The following RSRP1 variants were observed in gnomAD, a reference collection of about 807,000 sequenced individuals.
RSRP1 encodes arginine/serine-rich protein 1.
A neutral mutation model predicts 33.0 loss-of-function variants in RSRP1; 37 were observed. That is an observed-to-expected ratio of 1.12 (90% confidence interval 0.86 to 1.48). The LOEUF (loss-of-function observed/expected upper bound fraction) is 1.48. Ranked by LOEUF, RSRP1 falls within the 40% of genes most tolerant of loss-of-function variation. The pLI, the probability that RSRP1 is intolerant of heterozygous loss-of-function variation, is 0.00. For missense variants in RSRP1, 402 were observed against 385.3 expected, an observed-to-expected ratio of 1.04 and a Z score of -0.36; for synonymous variants, 167 against 158.7, an observed-to-expected ratio of 1.05 and a Z score of -0.40.
At chr1:25,247,227 C>T in intron 1 of RSRP1, 82 bp downstream of exon 1, 1 of 430,952 alleles carries the variant, frequency 2.3e-6, no homozygotes, top group Non-Finnish European at 4.1e-6. Context: ...TCCCCAAACG[C>T]GGGGCCCGGC....
chr1:25,284,779 A>G, intron 1 of RSRP1: 1 of 1,386,272 alleles, frequency 7.2e-7, no homozygotes, highest in East Asian at 2.2e-5. Context: ...TGGTGGCTGG[A>G]TCACTTCTGG....
In RSRP1 at chr1:25,321,185, A is replaced by G. The variant is rs1357108721; in HGVS notation, c.-67+16793T>C. On this transcript the variant is annotated intron_variant, in intron 1 of 1. Transcript: ENST00000561867. ...CCCAGGAGTTGACTGGAGCCAGAGA[A>G]GACAGACCTATAGGAGCACCCAATT... Among the ~76,000 whole-genome samples, 2 of 130,026 alleles carry G rather than the reference A, an allele frequency of 1.5e-5. 1 individual carries two copies. Among genetic ancestry groups the G allele is most frequent in the Non-Finnish European group, 3.6e-5 (2 of 54,990 alleles). 85.3% of individuals were successfully genotyped at this position (130,026 alleles called of 152,430 possible). A position where few individuals can be genotyped will look rare whatever the true frequency, so the allele number is the denominator to read the frequency against.
chr1:25,307,882 G>T lies in RSRP1; in HGVS notation c.-67+30096C>A. 20 of 1,231,216 alleles carry T rather than the reference G, an allele frequency of 1.6e-5. 3 individuals carry two copies. Among genetic ancestry groups the T allele is most frequent in the Non-Finnish European group, 2.2e-5 (19 of 882,558 alleles). The allele number at this position is 1,231,216 out of a possible 1,614,324, so 76.3% of individuals were successfully genotyped here. On this transcript the variant is annotated intron_variant, in intron 1 of 1. Coordinates refer to the RSRP1 transcript ENST00000561867. ...GTGAAGCAAGGCGCCTCTGTGATGG[G>T]TTCCAGTGATGTGTCTGCCACTGTC...
chr1:25,307,606 G>C lies in RSRP1; in HGVS notation c.-67+30372C>G, dbSNP rs1277988632. 41 of 900,682 alleles carry C rather than the reference G, an allele frequency of 4.6e-5. 9 individuals carry two copies. The highest frequency in any genetic ancestry group is 6.7e-5 in the Non-Finnish European group (39 of 578,792). 55.8% of individuals were successfully genotyped at this position (900,682 alleles called of 1,614,324 possible). A position where few individuals can be genotyped will look rare whatever the true frequency, so the allele number is the denominator to read the frequency against. Reference sequence around the variant, plus strand: ...ACAACCGCCTACTGAGGTATTCTCAGACTCTAAGAAATGAGATTTAAGAGA... The same window carrying C: ...ACAACCGCCTACTGAGGTATTCTCACACTCTAAGAAATGAGATTTAAGAGA... On this transcript the variant is annotated intron_variant, in intron 1 of 1. Transcript: ENST00000561867.
intron 1 of RSRP1, chr1:25,328,868 G>A (rs1452428954): frequency 1.9e-6 from 2 of 1,063,550 alleles, no homozygotes; most frequent in Admixed American, 4.0e-5. Context: ...GGGTTCATCT[G>A]CAATAAAAAT....
upstream of RSRP1, among the ~76,000 whole-genome samples, chr1:25,249,721 C>T (rs777791715): frequency 2.6e-5 from 4 of 152,174 alleles, no homozygotes; most frequent in Non-Finnish European, 4.4e-5. Context: ...GTATTTGTCT[C>T]AAAAACATAC....
chr1:25,292,953 G>A (rs28645510), intron 1 of RSRP1, among the ~76,000 whole-genome samples: 68,208 of 119,298 alleles, frequency 0.57, 27,270 homozygotes, highest in South Asian at 0.86. Context: ...CCAGGAGAGC[G>A]TGAGGTCCTG....
chr1:25,303,133 AGTGAG>A (rs1643519462), intron 1 of RSRP1, among the ~76,000 whole-genome samples: 1 of 131,960 alleles, frequency 7.6e-6, no homozygotes, highest in Non-Finnish European at 1.8e-5. Context: ...AAGAGGCAGT[AGTGAG>A]CTGGCCCATC....
upstream of RSRP1, among the ~76,000 whole-genome samples, chr1:25,251,372 T>A (rs1392105463): frequency 6.6e-6 from 1 of 151,304 alleles, no homozygotes; most frequent in African/African-American, 2.4e-5. Context: ...TAGTTTTCCT[T>A]TTTTTTTTCT....
chr1:25,270,669 C>T (rs1640472655), intron 1 of RSRP1, among the ~76,000 whole-genome samples: 1 of 132,106 alleles, frequency 7.6e-6, no homozygotes, highest in Admixed American at 7.3e-5. Context: ...CACCCAGGTC[C>T]TGAAGTTAGG....
chr1:25,256,121 T>G (rs1431635240), intron 1 of RSRP1, among the ~76,000 whole-genome samples: 1 of 152,078 alleles, frequency 6.6e-6, no homozygotes, highest in Non-Finnish European at 1.5e-5. Context: ...ATGGATAAGT[T>G]TTTCCTGGAA....
At chr1:25,311,723 G>T (rs28445757) in intron 1 of RSRP1, among the ~76,000 whole-genome samples, 117,095 of 126,232 alleles carry the variant, frequency 0.93, 55,765 homozygotes, top group East Asian at 1. Context: ...TTGGGTCTCT[G>T]CTCCCCACAT....
intron 1 of RSRP1, among the ~76,000 whole-genome samples, chr1:25,322,367 A>C (rs978133294): frequency 6.0e-5 from 8 of 133,004 alleles, no homozygotes; most frequent in African/African-American, 1.8e-4. Flanking sequence ...GAGTGGAGAC[A>C]TGACTTATCA....
At chr1:25,250,098 C>T (rs2124550288), upstream of RSRP1, among the ~76,000 whole-genome samples, 1 of 152,198 alleles carries the variant, frequency 6.6e-6, no homozygotes, top group East Asian at 1.9e-4. Flanking sequence ...GGGGGTTTAA[C>T]TGAAGCAGTT....
intron 3 of RSRP1, chr1:25,244,304 T>C (rs1282517222): frequency 1.6e-6 from 2 of 1,287,776 alleles, no homozygotes; most frequent in Non-Finnish European, 2.0e-6. Context: ...CTTTGCTTAG[T>C]TTAAAAATTG....
At chr1:25,299,354 C>T (rs140933600) in intron 1 of RSRP1, among the ~76,000 whole-genome samples, 1,852 of 130,672 alleles carry the variant, frequency 0.014, 321 homozygotes, top group African/African-American at 0.046. Context: ...TGCACTCTAG[C>T]CTGGCGACAG....
chr1:25,312,948 A>AAAAAAAAAAAAAC (rs1557556998), intron 1 of RSRP1, among the ~76,000 whole-genome samples: 1 of 110,688 alleles, frequency 9.0e-6, no homozygotes, highest in Non-Finnish European at 2.2e-5. Flanking sequence ...AAAAAAAAAA[A>AAAAAAAAAAAAAC]AAAAAAACTT....
rs978570577 is a variant in RSRP1 at position 25,270,862 on chromosome 1, CAGTT to C, written c.-66-23837_-66-23834del. On this transcript the variant is annotated intron_variant, in intron 1 of 1. Transcript: ENST00000561867. ...ATGGTGCCTAGCAAGTACTTAATAA[CAGTT>C]AGCTCTGAAAATGTATAAAGCAAAA... Among the ~76,000 whole-genome samples the C allele has an allele frequency of 1.5e-5, 2 of 131,622 alleles. 1 individual carries two copies. The highest frequency in any genetic ancestry group is 5.2e-5 in the African/African-American group (2 of 38,624). The allele number at this position is 131,622 out of a possible 152,430, so 86.3% of individuals were successfully genotyped here.
intron 3 of RSRP1, chr1:25,244,665 A>C: frequency 3.3e-6 from 4 of 1,205,542 alleles, no homozygotes; most frequent in Non-Finnish European, 4.2e-6. Flanking sequence ...ATAAGAGTAC[A>C]CTGTTAACTG....
Sources: allele counts gnomAD v4.1 joint callset (sites outside exome capture counted in the v4.1 genomes callset), GRCh38; gene constraint gnomAD v4.1.1; transcripts MANE v1.5; gene names NCBI Gene and HGNC (gene_info 2026-07-23, HGNC 2026-07-21).